The following CDYL variants were observed in gnomAD, a reference collection of about 807,000 sequenced individuals.
CDYL encodes the protein chromodomain Y-like protein.
In CDYL, 8 loss-of-function variants were observed where a neutral mutation model predicts 47.3. The ratio of observed to expected loss-of-function variants is 0.17; its 90% confidence interval spans 0.10 to 0.31. The LOEUF (loss-of-function observed/expected upper bound fraction) is 0.31. Ranked by LOEUF, CDYL falls within the 10% of genes least tolerant of loss-of-function variation. The probability of loss-of-function intolerance (pLI) is 1.00; values close to 1 mark genes in which losing one functional copy is unlikely to be tolerated. For missense variants in CDYL, 471 were observed against 701.4 expected, an observed-to-expected ratio of 0.67 and a Z score of 3.71; for synonymous variants, 266 against 265.0, an observed-to-expected ratio of 1.00 and a Z score of -0.04.
At chr6:4,899,809 C>T (rs1259029832) in intron 2 of CDYL, among the ~76,000 whole-genome samples, 4 of 152,190 alleles carry the variant, frequency 2.6e-5, no homozygotes, top group Admixed American at 2.6e-4. Context: ...CCTGCCAGCT[C>T]TTCAGCAGCC....
At chr6:4,799,590 T>G (rs1241970923) in intron 1 of CDYL, among the ~76,000 whole-genome samples, 1 of 152,086 alleles carries the variant, frequency 6.6e-6, no homozygotes, top group Non-Finnish European at 1.5e-5. Context: ...GGACTATAGG[T>G]GTGTGCCACC....
chr6:4,806,268 G>A lies in CDYL; in HGVS notation c.24+29461G>A, dbSNP rs187449245. 3.5e-3 allele frequency among the ~76,000 whole-genome samples: 538 copies of A among 152,268 alleles called. 2 individuals carry two copies. The highest frequency in any genetic ancestry group is 0.012 in the African/African-American group (497 of 41,552). On this transcript the variant is annotated intron_variant, in intron 1 of 6. Coordinates refer to ENST00000397588, the MANE Select transcript of CDYL (RefSeq NM_004824.4). Reference sequence around the variant, plus strand: ...CTGTTGGCAAAGCCTGGCATCAAGCGTCACCCAGGATTTCAGAGCAGGGCA... The same window carrying A: ...CTGTTGGCAAAGCCTGGCATCAAGCATCACCCAGGATTTCAGAGCAGGGCA...
chr6:4,920,043 C>G (rs1757667726), intron 2 of CDYL, among the ~76,000 whole-genome samples: 1 of 152,180 alleles, frequency 6.6e-6, no homozygotes, highest in Non-Finnish European at 1.5e-5. Flanking sequence ...GATTCTCACA[C>G]ATGCTGCAAT....
chr6:4,869,529 C>T lies in CDYL; in HGVS notation c.25-22184C>T, dbSNP rs1761415601. ...TCTCTTGTCAGTTTATTTATCCTTT[C>T]CTGCTGCCTCCTAGTTAAATGTGTT... On this transcript the variant is annotated intron_variant, in intron 1 of 6. Coordinates refer to ENST00000397588, the MANE Select transcript of CDYL (RefSeq NM_004824.4). Among the ~76,000 whole-genome samples, 2 of 152,170 alleles carry T rather than the reference C, an allele frequency of 1.3e-5. 1 individual carries two copies. The highest frequency in any genetic ancestry group is 1.3e-4 in the Admixed American group (2 of 15,270).
At chr6:4,947,396 T>TC (rs1397620525) in intron 5 of CDYL, among the ~76,000 whole-genome samples, 1 of 152,122 alleles carries the variant, frequency 6.6e-6, no homozygotes, top group African/African-American at 2.4e-5. Context: ...CAGACCCTCC[T>TC]CCAGTGGCTG....
intron 2 of CDYL, among the ~76,000 whole-genome samples, chr6:4,900,796 T>C (rs1291009344): frequency 9.8e-5 from 7 of 71,652 alleles, no homozygotes; most frequent in African/African-American, 4.8e-4. Context: ...TATATATATA[T>C]ATATATATAT....
chr6:4,746,924 C>T (rs1370783615), intron 3 of CDYL, among the ~76,000 whole-genome samples: 4 of 152,140 alleles, frequency 2.6e-5, no homozygotes, highest in Non-Finnish European at 5.9e-5. Context: ...CTCCATGCTG[C>T]GTTACCCCAA....
At chr6:4,768,485 G>A (rs919177221) in intron 3 of CDYL, among the ~76,000 whole-genome samples, 1 of 152,060 alleles carries the variant, frequency 6.6e-6, no homozygotes, top group Non-Finnish European at 1.5e-5. Flanking sequence ...AAGAGCTCCC[G>A]GTGGCCAAAG....
At position 4,828,204 on chromosome 6, in the gene CDYL, A is replaced by G. The variant is rs1482661969; in HGVS notation, c.24+51397A>G. On this transcript the variant is annotated intron_variant, in intron 1 of 6. Transcript: ENST00000397588. Reference sequence around the variant, plus strand: ...TACTTTCCCCCTCAGTTTCAACGTTAGTTTGCTGGATATAGGACTTTTAAC... The same window carrying G: ...TACTTTCCCCCTCAGTTTCAACGTTGGTTTGCTGGATATAGGACTTTTAAC... Among the ~76,000 whole-genome samples the G allele has an allele frequency of 3.3e-5, 4 of 121,852 alleles. No individual in the cohort carries two copies. The East Asian group carries it at 7.7e-4, about 23-fold the overall frequency. 79.9% of individuals were successfully genotyped at this position (121,852 alleles called of 152,430 possible). A position where few individuals can be genotyped will look rare whatever the true frequency, so the allele number is the denominator to read the frequency against.
chr6:4,794,376 A>G (rs1025893588), intron 1 of CDYL, among the ~76,000 whole-genome samples: 1 of 152,154 alleles, frequency 6.6e-6, no homozygotes, highest in Non-Finnish European at 1.5e-5. Flanking sequence ...ACTTGGCAGC[A>G]GCTCTTTCAG....
intron 2 of CDYL, among the ~76,000 whole-genome samples, chr6:4,893,377 C>A (rs1019845359): frequency 1.3e-5 from 2 of 152,206 alleles, no homozygotes; most frequent in Non-Finnish European, 2.9e-5. Flanking sequence ...TCCTCTCTCT[C>A]CCTTCTGAGT....
intron 2 of CDYL, among the ~76,000 whole-genome samples, chr6:4,725,037 C>G (rs1038173882): frequency 1.3e-5 from 2 of 152,094 alleles, no homozygotes. Flanking sequence ...TTTACAATCC[C>G]TGAGCTGGAC....
At chr6:4,875,083 G>T (rs1007457971) in intron 1 of CDYL, among the ~76,000 whole-genome samples, 1 of 152,144 alleles carries the variant, frequency 6.6e-6, no homozygotes, top group Non-Finnish European at 1.5e-5. Flanking sequence ...TGAGGGAGGT[G>T]TGTGTTTAAG....
At chr6:4,742,377 A>G (rs898399152) in intron 3 of CDYL, among the ~76,000 whole-genome samples, 18 of 151,550 alleles carry the variant, frequency 1.2e-4, no homozygotes, top group African/African-American at 1.7e-4. Context: ...AAAAAAAAAA[A>G]AAAAGAAAAG....
intron 2 of CDYL, among the ~76,000 whole-genome samples, chr6:4,899,840 A>C (rs557111489): frequency 1.3e-5 from 2 of 152,322 alleles, no homozygotes; most frequent in Admixed American, 6.5e-5. Flanking sequence ...GGGAAGAGTC[A>C]CGTGTGAGCT....
intron 2 of CDYL, among the ~76,000 whole-genome samples, chr6:4,896,921 C>T (rs1762300073): frequency 6.6e-6 from 1 of 152,204 alleles, no homozygotes; most frequent in African/African-American, 2.4e-5. Context: ...TATTTTCACA[C>T]ACACTCACTT....
At chr6:4,896,254 A>T (rs191791969) in intron 2 of CDYL, among the ~76,000 whole-genome samples, 4 of 152,358 alleles carry the variant, frequency 2.6e-5, no homozygotes. Context: ...GGAGCCCCTG[A>T]CAGCAGGCCT....
chr6:4,955,464 AC>A lies in CDYL; in HGVS notation c.*1409del, dbSNP rs1425489180. The A allele has an allele frequency of 6.6e-6, 1 of 152,622 alleles. No homozygotes were observed. Among genetic ancestry groups the A allele is most frequent in the Non-Finnish European group, 1.5e-5 (1 of 68,050 alleles). The allele number at this position is 152,622 out of a possible 1,614,324, so 9.5% of individuals were successfully genotyped here. On this transcript the variant is annotated 3_prime_UTR_variant, in exon 7 of 7. Transcript: ENST00000397588. Reference sequence around the variant, plus strand: ...GTTCAGTAGTTTGAACTATATATAAACTGTACAATCTGTAAAGTTTTTATAG... The same window carrying A: ...GTTCAGTAGTTTGAACTATATATAAATGTACAATCTGTAAAGTTTTTATAG...
intron 1 of CDYL, among the ~76,000 whole-genome samples, chr6:4,843,355 G>A (rs147655395): frequency 6.0e-4 from 91 of 152,156 alleles, no homozygotes; most frequent in Admixed American, 1.4e-3. Context: ...GTATTTGGAT[G>A]TCTAGATCTC....
Sources: allele counts gnomAD v4.1 joint callset (sites outside exome capture counted in the v4.1 genomes callset), GRCh38; gene constraint gnomAD v4.1.1; transcripts MANE v1.5; gene names NCBI Gene and HGNC (gene_info 2026-07-23, HGNC 2026-07-21).